MCC: variants seen among roughly 807,000 people sequenced by gnomAD.
MCC encodes the protein colorectal mutant cancer protein.
MCC carries 90 observed loss-of-function variants against 116.2 expected under a neutral mutation model. That is an observed-to-expected ratio of 0.77 (90% CI 0.65 to 0.92). The LOEUF (loss-of-function observed/expected upper bound fraction) is 0.92. Ranked by LOEUF, MCC falls within the 40% of genes least tolerant of loss-of-function variation. The pLI is 0.00. For synonymous variants in MCC, 578 were observed against 510.5 expected (o/e 1.13, Z -1.78); for missense variants, 1,516 against 1,312.2 (o/e 1.16, Z -2.40).
At chr5:113,210,253 T>G (rs888807193) in intron 3 of MCC, among the ~76,000 whole-genome samples, 9 of 152,222 alleles carry the variant, frequency 5.9e-5, no homozygotes, top group Admixed American at 3.9e-4. Flanking sequence ...GGCCTCTAAA[T>G]ATACCTTCCC....
intron 3 of MCC, among the ~76,000 whole-genome samples, chr5:113,272,061 T>G (rs1054203809): frequency 6.6e-6 from 1 of 152,234 alleles, no homozygotes; most frequent in African/African-American, 2.4e-5. Flanking sequence ...AACTCAATTC[T>G]CTGCATTAAA....
intron 5 of MCC, among the ~76,000 whole-genome samples, chr5:113,123,905 G>A (rs1315396699): frequency 6.6e-6 from 1 of 152,172 alleles, no homozygotes; most frequent in Non-Finnish European, 1.5e-5. Flanking sequence ...ACAACCAGAG[G>A]AGAAGAAAGT....
intron 1 of MCC, among the ~76,000 whole-genome samples, chr5:113,395,458 T>C (rs146510362): frequency 5.3e-4 from 80 of 152,286 alleles, no homozygotes; most frequent in Non-Finnish European, 4.7e-4. Context: ...GATAAAAAGT[T>C]AAATATCTCC....
chr5:113,187,372 G>C (rs535495814), intron 3 of MCC, among the ~76,000 whole-genome samples: 30 of 152,210 alleles, frequency 2.0e-4, no homozygotes, highest in African/African-American at 6.7e-4. Flanking sequence ...GCTTCCCAAA[G>C]TGCTGGGATT....
At chr5:113,346,663 G>A (rs900759361) in intron 2 of MCC, among the ~76,000 whole-genome samples, 6 of 151,600 alleles carry the variant, frequency 4.0e-5, no homozygotes. Context: ...TTATTGAAAG[G>A]GATAATATCA....
At chr5:113,091,384 G>T (rs1331954802) in intron 8 of MCC, among the ~76,000 whole-genome samples, 1 of 152,166 alleles carries the variant, frequency 6.6e-6, no homozygotes, top group Non-Finnish European at 1.5e-5. Context: ...CAGACACAGA[G>T]TGAGGACAAC....
At chr5:113,351,523 G>T (rs1768267469) in intron 2 of MCC, among the ~76,000 whole-genome samples, 1 of 152,118 alleles carries the variant, frequency 6.6e-6, no homozygotes, top group Non-Finnish European at 1.5e-5. Flanking sequence ...AGAGGATAAG[G>T]ATGGTTACCA....
intron 1 of MCC, chr5:113,435,025 G>A (rs940200885): frequency 6.0e-5 from 40 of 665,814 alleles, no homozygotes; most frequent in African/African-American, 3.4e-4. Flanking sequence ...TGACTTCAGC[G>A]AGTGAAGTCA....
intron 1 of MCC, among the ~76,000 whole-genome samples, chr5:113,487,001 T>G (rs1157457982): frequency 6.6e-6 from 1 of 152,150 alleles, no homozygotes; most frequent in Non-Finnish European, 1.5e-5. Context: ...GAAATTTGCA[T>G]GGAGTCAATC....
intron 3 of MCC, among the ~76,000 whole-genome samples, chr5:113,220,943 C>T (rs1490774448): frequency 6.6e-6 from 1 of 152,172 alleles, no homozygotes; most frequent in African/African-American, 2.4e-5. Context: ...TGGCTCATGC[C>T]TATAATCCCA....
At chr5:113,193,439 G>A (rs537862195) in intron 3 of MCC, among the ~76,000 whole-genome samples, 1 of 152,226 alleles carries the variant, frequency 6.6e-6, no homozygotes. Context: ...GGGGTTGTTG[G>A]AAATATTTTC....
intron 18 of MCC, among the ~76,000 whole-genome samples, chr5:113,028,617 T>G (rs1241065731): frequency 6.6e-6 from 1 of 152,216 alleles, no homozygotes; most frequent in African/African-American, 2.4e-5. Flanking sequence ...AAATACTGGC[T>G]TAAACAGATT....
chr5:113,084,108 C>T lies in MCC; in HGVS notation c.1628G>A (p.Ser543Asn), dbSNP rs201419395. The T allele has an allele frequency of 6.2e-7, 1 of 1,614,066 alleles. No homozygotes were observed. Among genetic ancestry groups the T allele is most frequent in the East Asian group, 2.2e-5 (1 of 44,878 alleles). Residue 543 changes from serine to asparagine, a missense_variant, in exon 10 of 19, where the codon AGC becomes AAC. Physicochemically the swap from Ser to Asn is conservative, Grantham distance 46 (BLOSUM62 1). Coordinates refer to ENST00000408903, the MANE Select transcript of MCC (RefSeq NM_001085377.2). ...DRPVLGSEIS[S>N]IGVSSSVAEH... ...CTTCTCATGAACACTCACCCCTATG[C>T]TACTGATTTCTGAGCCCAGGACTGG...
At chr5:113,299,203 G>A (rs181006661) in intron 3 of MCC, among the ~76,000 whole-genome samples, 6 of 150,104 alleles carry the variant, frequency 4.0e-5, no homozygotes, top group East Asian at 4.0e-4. Context: ...CAGGAGAATC[G>A]CTTGAACCTG....
At chr5:113,377,136 C>A (rs1336220162) in intron 2 of MCC, among the ~76,000 whole-genome samples, 1 of 152,182 alleles carries the variant, frequency 6.6e-6, no homozygotes, top group Non-Finnish European at 1.5e-5. Flanking sequence ...CATGCTGGAC[C>A]TAACTGCCTA....
intron 3 of MCC, among the ~76,000 whole-genome samples, chr5:113,302,987 G>A (rs942063992): frequency 3.9e-5 from 6 of 152,180 alleles, no homozygotes; most frequent in African/African-American, 1.4e-4. Flanking sequence ...AGGTAAAACT[G>A]ACCAGGATTC....
intron 3 of MCC, among the ~76,000 whole-genome samples, chr5:113,186,704 G>A (rs1457085607): frequency 1.3e-5 from 2 of 152,170 alleles, no homozygotes; most frequent in African/African-American, 4.8e-5. Context: ...GCCCTGGGAT[G>A]TCGAAAAAGC....
intron 3 of MCC, among the ~76,000 whole-genome samples, chr5:113,281,287 A>C (rs977174551): frequency 6.6e-6 from 1 of 152,178 alleles, no homozygotes; most frequent in Non-Finnish European, 1.5e-5. Flanking sequence ...GTAATTCACA[A>C]AGTGTGCATC....
intron 3 of MCC, among the ~76,000 whole-genome samples, chr5:113,195,391 T>A (rs1762348901): frequency 6.6e-6 from 1 of 152,182 alleles, no homozygotes; most frequent in Non-Finnish European, 1.5e-5. Flanking sequence ...CTCAACCAGA[T>A]ACAAACTGTC....
Sources: gnomAD v4.1 joint callset for allele counts (sites outside exome capture counted in the v4.1 genomes callset) on GRCh38, gnomAD v4.1.1 for gene constraint, MANE v1.5 for transcripts, NCBI Gene and HGNC (gene_info 2026-07-23, HGNC 2026-07-21) for gene names.